Variants in LRRFIP2 observed in about 807,000 individuals in gnomAD.
LRRFIP2 encodes LRR binding FLII interacting protein 2, also known as leucine-rich repeat flightless-interacting protein 2.
A neutral mutation model predicts 125.9 loss-of-function variants in LRRFIP2; 109 were observed. That is an observed-to-expected ratio of 0.87 (90% CI 0.74 to 1.01). LRRFIP2 has a LOEUF of 1.01. LRRFIP2 is among the 50% of genes least tolerant of loss of function. LRRFIP2 has a pLI of 0.00. For synonymous variants in LRRFIP2, 291 were observed against 293.1 expected, an observed-to-expected ratio of 0.99 and a Z score of 0.07; for missense variants, 850 against 862.3, an observed-to-expected ratio of 0.99 and a Z score of 0.18.
intron 3 of LRRFIP2, among the ~76,000 whole-genome samples, chr3:37,128,839 CTT>C (rs1224199816): frequency 6.6e-6 from 1 of 152,146 alleles, no homozygotes; most frequent in Non-Finnish European, 1.5e-5. Context: ...ATACTAGTAA[CTT>C]ATAACAATGG....
Position 37,053,530 on chromosome 3 carries a change from C to T in LRRFIP2, c.*321G>A. On this transcript the variant is annotated 3_prime_UTR_variant, in exon 28 of 28. Coordinates refer to ENST00000336686, the MANE Select transcript of LRRFIP2 (RefSeq NM_006309.4). The stretch of plus-strand genomic sequence containing the variant: ...AGAATTGCTGTCTGTCCTCCAGAAC[C>T]CGTGCCAAGGCCTCCGAGTGCCCAG... 3 of 295,880 alleles carry T rather than the reference C, an allele frequency of 1.0e-5. No individual in the cohort carries two copies. In the South Asian group the frequency reaches 1.1e-4, roughly 11 times the overall value. 18.3% of individuals were successfully genotyped at this position (295,880 alleles called of 1,614,324 possible). A position where few individuals can be genotyped will look rare whatever the true frequency, so the allele number is the denominator to read the frequency against.
At position 37,105,575 on chromosome 3, in the gene LRRFIP2, T is replaced by C. The variant is rs1045611778; in HGVS notation, c.715-52A>G. ...AAAAGATGCAATTTTGCTATGGTGT[T>C]ACCTCATTATAAGTACATTAAGGAA... On this transcript the variant is annotated intron_variant, in intron 13 of 27. Coordinates refer to ENST00000336686, the MANE Select transcript of LRRFIP2 (RefSeq NM_006309.4). 3.8e-6 allele frequency: 5 copies of C among 1,328,152 alleles called. No individual in the cohort carries two copies. In the African/African-American group the frequency reaches 7.2e-5, roughly 19 times the overall value. The allele number at this position is 1,328,152 out of a possible 1,614,324, so 82.3% of individuals were successfully genotyped here.
chr3:37,060,539 G>C lies in LRRFIP2; in HGVS notation c.1750-1629C>G, dbSNP rs1467741719. On this transcript the variant is annotated intron_variant, in intron 24 of 27. Transcript: ENST00000336686. This position sits in a 1 kb window ranked among gnomAD's most constrained non-coding sequence, Gnocchi z 4.1. ...GCTGGTCTTGAACTCCTGACCTCAA[G>C]TCATCCACCCACCTTGGCCTCCCCA... is the stretch of plus-strand genomic sequence containing the variant. 6.6e-6 allele frequency among the ~76,000 whole-genome samples: 1 copy of C among 151,758 alleles called. No homozygotes were observed. Among genetic ancestry groups the C allele is most frequent in the Non-Finnish European group, 1.5e-5 (1 of 67,976 alleles).
chr3:37,081,225 G>C (rs72864273), intron 19 of LRRFIP2, among the ~76,000 whole-genome samples: 14,497 of 152,204 alleles, frequency 0.095, 920 homozygotes, highest in Admixed American at 0.16. Flanking sequence ...CTGGGGAGCA[G>C]AGCAAGACCC....
rs752701304 is a variant in LRRFIP2, at chr3:37,072,810, A to G, written c.1444T>C (p.Trp482Arg). The part of the protein sequence containing the change: ...EVFDLQETLL[W>R]KDKKIGALEK... ...CATACCCCAATTTTTTTATCTTTCC[A>G]AAGAAGTGTCTCCTGGAGGTCAAAC... is the stretch of plus-strand genomic sequence containing the variant. The change falls in exon 21 of 28, where the codon TGG (tryptophan) becomes CGG (arginine). Residue 482 changes from tryptophan to arginine, a missense_variant. By Grantham distance (101) the Trp-to-Arg change is moderately radical. Coordinates refer to ENST00000336686, the MANE Select transcript of LRRFIP2 (RefSeq NM_006309.4). 1.1e-5 allele frequency: 17 copies of G among 1,612,728 alleles called. No homozygotes were observed. The highest frequency in any genetic ancestry group is 1.3e-5 in the Non-Finnish European group (15 of 1,179,146).
At chr3:37,061,383 CTTTTCT>C (rs145261675) in intron 24 of LRRFIP2, among the ~76,000 whole-genome samples, 56,559 of 148,872 alleles carry the variant, frequency 0.38, 11,444 homozygotes, top group Non-Finnish European at 0.45. Context: ...GTTTAAACCT[CTTTTCT>C]TTTTCTTTTT....
chr3:37,081,934 C>T (rs571020243), intron 19 of LRRFIP2, among the ~76,000 whole-genome samples: 20 of 149,968 alleles, frequency 1.3e-4, no homozygotes, highest in African/African-American at 3.7e-4. Flanking sequence ...GAAAACAACT[C>T]TATGCATACT....
At chr3:37,152,721 G>A (rs1332094924) in intron 1 of LRRFIP2, among the ~76,000 whole-genome samples, 1 of 152,112 alleles carries the variant, frequency 6.6e-6, no homozygotes, top group African/African-American at 2.4e-5. Context: ...AGGATTACAG[G>A]CATGAGCCAC....
intron 1 of LRRFIP2, among the ~76,000 whole-genome samples, chr3:37,160,639 C>T (rs765144630): frequency 3.3e-5 from 5 of 151,698 alleles, no homozygotes; most frequent in South Asian, 2.1e-4. Flanking sequence ...ATTAGCTGGG[C>T]GTGGTGGTAC....
At chr3:37,127,518 T>C (rs2095314529) in intron 4 of LRRFIP2, 112 bp downstream of exon 4, 3 of 1,051,556 alleles carry the variant, frequency 2.9e-6, no homozygotes, top group Non-Finnish European at 4.4e-6. Context: ...GACCTTTAGG[T>C]TCACACAGGC....
Position 37,102,988 on chromosome 3 carries a change from C to T in LRRFIP2, c.809G>A (p.Arg270His), listed in dbSNP as rs372089261. 82 of 1,564,708 alleles carry T rather than the reference C, an allele frequency of 5.2e-5. No homozygotes were observed. The highest frequency in any genetic ancestry group is 6.8e-5 in the Non-Finnish European group (78 of 1,152,982). The change falls in exon 15 of 28, where the codon CGC (arginine) becomes CAC (histidine). Residue 270 changes from arginine to histidine, a missense_variant. Coordinates refer to ENST00000336686, the MANE Select transcript of LRRFIP2 (RefSeq NM_006309.4). ...SVVSAADYFS[R>H]SNRRGSVVSE... ...GACAACACTTCCCCTACGATTGGAG[C>T]GACTGAAATAATCAGCGGCAGATAC... is the stretch of plus-strand genomic sequence containing the variant.
At chr3:37,065,726 T>G in intron 23 of LRRFIP2, 84 bp downstream of exon 23, 1 of 1,573,754 alleles carries the variant, frequency 6.4e-7, no homozygotes, top group Non-Finnish European at 8.7e-7. Context: ...TATGCTGTTT[T>G]TGTTTTCCAA....
chr3:37,082,348 A>C (rs961478300), intron 19 of LRRFIP2, among the ~76,000 whole-genome samples: 2 of 152,196 alleles, frequency 1.3e-5, no homozygotes, highest in Non-Finnish European at 2.9e-5. Context: ...CCATCTAAAT[A>C]CCAATCCTAA....
chr3:37,112,982 T>G lies in LRRFIP2; in HGVS notation c.373-2A>C. On this transcript the variant is annotated splice_acceptor_variant, in intron 7 of 27. Coordinates refer to ENST00000336686, the MANE Select transcript of LRRFIP2 (RefSeq NM_006309.4). LOFTEE classifies it high-confidence loss of function. The stretch of plus-strand genomic sequence containing the variant: ...ATGAGAGTGACTGTAAGAATGATTC[T>G]GGAAGTAAATATTCCAAGTTAACTT... 2 of 1,552,496 alleles carry G rather than the reference T, an allele frequency of 1.3e-6. No homozygotes were observed. The highest frequency in any genetic ancestry group is 1.8e-6 in the Non-Finnish European group (2 of 1,133,362).
chr3:37,104,153 A>G (rs2094204392), intron 14 of LRRFIP2, among the ~76,000 whole-genome samples: 1 of 152,320 alleles, frequency 6.6e-6, no homozygotes. Context: ...ATTTATAGAT[A>G]TTAATATTTA....
At chr3:37,107,180 C>T (rs930900954) in intron 13 of LRRFIP2, among the ~76,000 whole-genome samples, 12 of 152,168 alleles carry the variant, frequency 7.9e-5, no homozygotes, top group African/African-American at 2.9e-4. Flanking sequence ...GGATTACAGG[C>T]GTGAGCCACC....
At chr3:37,136,054 G>GCGT (rs1325758916) in intron 2 of LRRFIP2, among the ~76,000 whole-genome samples, 2 of 152,186 alleles carry the variant, frequency 1.3e-5, no homozygotes, top group African/African-American at 4.8e-5. Context: ...ATCAACTGAT[G>GCGT]AACGAATAAA....
At position 37,094,774 on chromosome 3, in the gene LRRFIP2, C is replaced by T. The variant is rs769890950; in HGVS notation, c.1035+18G>A. ...CAAAAAACTGCTTTTAAAAAGAAAA[C>T]CAAAAACTTCAGTTTACCCGCAATT... is the stretch of plus-strand genomic sequence containing the variant. On this transcript the variant is annotated intron_variant, in intron 17 of 27. Coordinates refer to ENST00000336686, the MANE Select transcript of LRRFIP2 (RefSeq NM_006309.4). The T allele has an allele frequency of 6.4e-6, 10 of 1,573,844 alleles. No individual in the cohort carries two copies. The highest frequency in any genetic ancestry group is 5.6e-5 in the South Asian group (5 of 89,814).
intron 6 of LRRFIP2, among the ~76,000 whole-genome samples, chr3:37,117,221 T>C (rs1272270065): frequency 6.6e-6 from 1 of 152,002 alleles, no homozygotes; most frequent in Non-Finnish European, 1.5e-5. Flanking sequence ...GGTAAGTTCA[T>C]GGAAAAGAGT....
Sources: gnomAD v4.1 joint callset for allele counts (sites outside exome capture counted in the v4.1 genomes callset) on GRCh38, gnomAD v4.1.1 for gene constraint, Gnocchi (gnomAD v3.1) non-coding constraint, MANE v1.5 for transcripts, NCBI Gene and HGNC (gene_info 2026-07-23, HGNC 2026-07-21) for gene names.